Variants in SH3RF3 observed in about 807,000 individuals in gnomAD.
SH3RF3 encodes the protein E3 ubiquitin-protein ligase SH3RF3.
In SH3RF3, 29 loss-of-function variants were observed where a neutral mutation model predicts 66.3. That is an observed-to-expected ratio of 0.44 (90% confidence interval 0.33 to 0.60). The LOEUF is 0.60. Ranked by LOEUF, SH3RF3 falls within the 20% of genes least tolerant of loss-of-function variation. The pLI, the probability that SH3RF3 is intolerant of heterozygous loss-of-function variation, is 0.04. For synonymous variants in SH3RF3, 583 were observed against 532.0 expected (o/e 1.10, Z -1.32); for missense variants, 1,194 against 1,190.9 (o/e 1.00, Z -0.04).
At chr2:109,314,029 C>T (rs1681804600) in intron 1 of SH3RF3, among the ~76,000 whole-genome samples, 1 of 152,080 alleles carries the variant, frequency 6.6e-6, no homozygotes. Context: ...GGACACTGGA[C>T]ACTGAGAAAA....
intron 2 of SH3RF3, among the ~76,000 whole-genome samples, chr2:109,367,615 T>C (rs1190509994): frequency 6.6e-6 from 1 of 152,246 alleles, no homozygotes; most frequent in East Asian, 1.9e-4. Flanking sequence ...ATTTCTCTTT[T>C]AATTTCCATT....
chr2:109,212,643 C>T (rs1574507358), intron 1 of SH3RF3, among the ~76,000 whole-genome samples: 1 of 152,316 alleles, frequency 6.6e-6, no homozygotes, highest in African/African-American at 2.4e-5. Flanking sequence ...GTTTCTTCTC[C>T]AGATAGCAAC....
intron 1 of SH3RF3, among the ~76,000 whole-genome samples, chr2:109,184,798 G>C (rs1453353573): frequency 1.3e-5 from 2 of 152,186 alleles, no homozygotes; most frequent in African/African-American, 4.8e-5. Flanking sequence ...CCACATACAA[G>C]AAAGTATTTG....
chr2:109,228,791 C>T (rs1171683732), intron 1 of SH3RF3, among the ~76,000 whole-genome samples: 2 of 152,292 alleles, frequency 1.3e-5, no homozygotes, highest in East Asian at 1.9e-4. Context: ...GTACCCTCTC[C>T]AGGTGGGTGG....
chr2:109,438,378 G>C (rs921953860), intron 7 of SH3RF3, among the ~76,000 whole-genome samples: 105 of 152,158 alleles, frequency 6.9e-4, no homozygotes, highest in African/African-American at 2.4e-3. Flanking sequence ...GGCACCATCA[G>C]TGGGTGCAGG....
rs1303695528 is a variant in SH3RF3, at chr2:109,436,902, A to C, written c.1584A>C (p.Ala528=). 3 of 1,613,322 alleles carry C rather than the reference A, an allele frequency of 1.9e-6. No individual in the cohort carries two copies. The highest frequency in any genetic ancestry group is 2.5e-6 in the Non-Finnish European group (3 of 1,179,776). ...NYVTPVSRVP[A]GGAGPPRNNV... ...TGCTTTCTCTCCACAGGGTGCCTGC[A>C]GGAGGGGCAGGGCCGCCCCGGAATA... The change falls in exon 7 of 10, where the codon GCA becomes GCC. Residue 528 remains alanine (A), a synonymous_variant. Coordinates refer to ENST00000309415, the MANE Select transcript of SH3RF3 (RefSeq NM_001099289.3).
intron 1 of SH3RF3, among the ~76,000 whole-genome samples, chr2:109,210,133 A>C (rs1678938618): frequency 6.6e-6 from 1 of 151,550 alleles, no homozygotes; most frequent in African/African-American, 2.4e-5. Flanking sequence ...ATGCGTCACA[A>C]TCTCCTTCCT....
intron 1 of SH3RF3, among the ~76,000 whole-genome samples, chr2:109,345,642 T>TA (rs1300689566): frequency 2.0e-5 from 3 of 152,154 alleles, no homozygotes; most frequent in Non-Finnish European, 4.4e-5. Flanking sequence ...CCTTGATGGA[T>TA]ATCTAAGTGT....
At chr2:109,213,785 G>A (rs1384417228) in intron 1 of SH3RF3, among the ~76,000 whole-genome samples, 1 of 152,224 alleles carries the variant, frequency 6.6e-6, no homozygotes, top group Non-Finnish European at 1.5e-5. Flanking sequence ...TCACTGTGGT[G>A]TGGTGTGATA....
chr2:109,323,930 G>C (rs189631854), intron 1 of SH3RF3, among the ~76,000 whole-genome samples: 19 of 152,242 alleles, frequency 1.2e-4, no homozygotes, highest in Non-Finnish European at 2.5e-4. Context: ...TTCCATCACT[G>C]TAAAAAGAAA....
At chr2:109,467,920 C>T (rs558214865) in intron 8 of SH3RF3, among the ~76,000 whole-genome samples, 48 of 152,302 alleles carry the variant, frequency 3.2e-4, no homozygotes, top group African/African-American at 9.6e-4. Context: ...CACCCCAGGG[C>T]GCAGTCCTGT....
intron 1 of SH3RF3, among the ~76,000 whole-genome samples, chr2:109,247,048 TCACAA>T (rs577889551): frequency 6.3e-4 from 96 of 152,342 alleles, no homozygotes; most frequent in Non-Finnish European, 1.1e-3. Context: ...TTTCCTGTAG[TCACAA>T]CTACATTCAA....
At chr2:109,466,052 C>T (rs1239956242) in intron 8 of SH3RF3, among the ~76,000 whole-genome samples, 2 of 139,984 alleles carry the variant, frequency 1.4e-5, no homozygotes, top group Non-Finnish European at 3.1e-5. Flanking sequence ...TTTTCATATG[C>T]TTATCTGCTA....
intron 1 of SH3RF3, among the ~76,000 whole-genome samples, chr2:109,282,908 A>C (rs560362011): frequency 4.6e-5 from 7 of 152,184 alleles, no homozygotes; most frequent in African/African-American, 1.4e-4. Context: ...CTCAGGTGAC[A>C]GTGAGAAGGA....
intron 8 of SH3RF3, among the ~76,000 whole-genome samples, chr2:109,458,599 A>AGAGAGAGAGAGAGAGAGAGAGAGAGAGAG (rs1334722012): frequency 6.6e-6 from 1 of 150,484 alleles, no homozygotes. Flanking sequence ...AGAGAGAGAG[A>AGAGAGAGAGAGAGAGAGAGAGAGAGAGAG]GAATTTATTT....
intron 1 of SH3RF3, among the ~76,000 whole-genome samples, chr2:109,208,568 C>A (rs1678894682): frequency 6.6e-6 from 1 of 152,254 alleles, no homozygotes; most frequent in South Asian, 2.1e-4. Flanking sequence ...CCACCTGCAG[C>A]AGAGCTGTTC....
Position 109,490,911 on chromosome 2 carries a change from G to A in SH3RF3, c.2455G>A (p.Glu819Lys), listed in dbSNP as rs1019657689. ...GCTGTCCATGGCTGCCATCCGCCCC[G>A]AGCCCAAGCTGTTGCCCAGAGAGAG... is the stretch of plus-strand genomic sequence containing the variant. ...APLSMAAIRP[E>K]PKLLPRERYR... The change falls in exon 9 of 10, where the codon GAG (glutamate) becomes AAG (lysine). Residue 819 changes from glutamate to lysine, a missense_variant. Coordinates refer to ENST00000309415, the MANE Select transcript of SH3RF3 (RefSeq NM_001099289.3). The A allele has an allele frequency of 6.6e-6, 10 of 1,511,654 alleles. No homozygotes were observed. The highest frequency in any genetic ancestry group is 5.5e-5 in the African/African-American group (4 of 72,596). The allele number at this position is 1,511,654 out of a possible 1,614,324, so 93.6% of individuals were successfully genotyped here. A position where few individuals can be genotyped will look rare whatever the true frequency, so the allele number is the denominator to read the frequency against.
At chr2:109,209,070 G>C (rs1326650860) in intron 1 of SH3RF3, among the ~76,000 whole-genome samples, 1 of 152,194 alleles carries the variant, frequency 6.6e-6, no homozygotes, top group Non-Finnish European at 1.5e-5. Context: ...ACTTTCCGTG[G>C]CAGCCAGTAC....
At chr2:109,130,154 A>C (rs1574465084) in intron 1 of SH3RF3, 41 bp downstream of exon 1, 1 of 1,270,994 alleles carries the variant, frequency 7.9e-7, no homozygotes, top group Non-Finnish European at 9.9e-7. Flanking sequence ...GGCACGTGGG[A>C]GTGTGTGGGT....
Sources: allele counts gnomAD v4.1 joint callset (sites outside exome capture counted in the v4.1 genomes callset), GRCh38; gene constraint gnomAD v4.1.1; transcripts MANE v1.5; gene names NCBI Gene and HGNC (gene_info 2026-07-23, HGNC 2026-07-21).